The following WSCD1 variants were observed in gnomAD, a reference collection of about 807,000 sequenced individuals.
The protein encoded by WSCD1 is WSC domain sialate O sulfotransferase 1, also known as sialate:O-sulfotransferase 1.
A neutral mutation model predicts 60.4 loss-of-function variants in WSCD1; 41 were observed. The observed-to-expected ratio is 0.68, with a 90% CI of 0.53 to 0.88. The LOEUF (loss-of-function observed/expected upper bound fraction) is 0.88, where lower values mean the gene tolerates loss of function less well. WSCD1 is among the 40% of genes least tolerant of loss of function. The pLI is 0.00. For synonymous variants in WSCD1, 361 were observed against 332.5 expected (o/e 1.09, Z -0.93); for missense variants, 784 against 796.2 (o/e 0.98, Z 0.18).
rs1201739438 is a variant in WSCD1, at chr17:6,108,391, C to T, written c.850-1216C>T. 3.3e-5 allele frequency among the ~76,000 whole-genome samples: 5 copies of T among 152,196 alleles called. No homozygotes were observed. In the East Asian group the frequency reaches 9.6e-4, roughly 29 times the overall value. On this transcript the variant is annotated intron_variant, in intron 5 of 8. Coordinates refer to ENST00000317744, the MANE Select transcript of WSCD1 (RefSeq NM_015253.2). ...GGCACACACACTCACAGATTACTCTCTCATCTCTCTACGCTCCAAAAGTCC... is the reference window on the plus strand; with the variant it reads ...GGCACACACACTCACAGATTACTCTTTCATCTCTCTACGCTCCAAAAGTCC...
intron 1 of WSCD1, among the ~76,000 whole-genome samples, chr17:6,077,763 C>T (rs190988830): frequency 6.6e-6 from 1 of 152,218 alleles, no homozygotes; most frequent in Admixed American, 6.5e-5. Flanking sequence ...TTGTTGAACT[C>T]CTGCCTGCCT....
intron 5 of WSCD1, among the ~76,000 whole-genome samples, chr17:6,107,317 G>A (rs1179478794): frequency 6.6e-6 from 1 of 151,884 alleles, no homozygotes; most frequent in East Asian, 1.9e-4. Flanking sequence ...ACTGGCCAAC[G>A]TGGTGAAACC....
intron 1 of WSCD1, among the ~76,000 whole-genome samples, chr17:6,076,461 C>A (rs565662621): frequency 1.3e-5 from 2 of 152,316 alleles, no homozygotes; most frequent in African/African-American, 4.8e-5. Context: ...CCTCTTGAGT[C>A]TGACTTCACC....
rs941161746 is a variant in WSCD1, at chr17:6,080,426, C to T, written c.-233C>T. Reference sequence around the variant, plus strand: ...AGCCCTGGAATGGAGATGTCCTTGACGCCTGGGCAGAGGCTGCAGCTGCAG... The same window carrying T: ...AGCCCTGGAATGGAGATGTCCTTGATGCCTGGGCAGAGGCTGCAGCTGCAG... On this transcript the variant is annotated 5_prime_UTR_variant, in exon 2 of 9. In the 5' UTR this introduces an upstream ATG that the reference lacks. Coordinates refer to ENST00000317744, the MANE Select transcript of WSCD1 (RefSeq NM_015253.2). This position sits in a 1 kb window ranked among gnomAD's most constrained non-coding sequence, Gnocchi z 6.6. 13 of 555,592 alleles carry T rather than the reference C, an allele frequency of 2.3e-5. No individual in the cohort carries two copies. Among genetic ancestry groups the T allele is most frequent in the Middle Eastern group, 4.8e-4 (1 of 2,100 alleles). 34.4% of individuals were successfully genotyped at this position (555,592 alleles called of 1,614,324 possible).
chr17:6,111,520 G>A (rs914277830), intron 7 of WSCD1, among the ~76,000 whole-genome samples: 1 of 152,052 alleles, frequency 6.6e-6, no homozygotes. Context: ...GACCAATATG[G>A]TGAAACCTCA....
In WSCD1 at chr17:6,124,171, TAGA is replaced by T. The variant is rs1200039298; in HGVS notation, c.*3513_*3515del. The T allele has an allele frequency of 6.6e-6, 1 of 152,174 alleles. No homozygotes were observed. The highest frequency in any genetic ancestry group is 1.5e-5 in the Non-Finnish European group (1 of 68,044). 9.4% of individuals were successfully genotyped at this position (152,174 alleles called of 1,614,324 possible). On this transcript the variant is annotated 3_prime_UTR_variant, in exon 9 of 9. Coordinates refer to ENST00000317744, the MANE Select transcript of WSCD1 (RefSeq NM_015253.2). Reference sequence around the variant, plus strand: ...TTTCAAGACTTATGGGAATGCTGGGTAGAAGCTGTTTTAATTCCCCTGTTGAAT... The same window carrying T: ...TTTCAAGACTTATGGGAATGCTGGGTAGCTGTTTTAATTCCCCTGTTGAAT...
Position 6,101,194 on chromosome 17 carries a change from A to G in WSCD1, c.849+5971A>G, listed in dbSNP as rs1910778748. ...CCGGTGGCAGCTTTATCTCATCCTAATTTGGCCGAAAAACAAGCTCAAATG... is the reference window on the plus strand; with the variant it reads ...CCGGTGGCAGCTTTATCTCATCCTAGTTTGGCCGAAAAACAAGCTCAAATG... On this transcript the variant is annotated intron_variant, in intron 5 of 8. Coordinates refer to ENST00000317744, the MANE Select transcript of WSCD1 (RefSeq NM_015253.2). This position sits in a 1 kb window ranked among gnomAD's most constrained non-coding sequence, Gnocchi z 4.1. Among the ~76,000 whole-genome samples the G allele has an allele frequency of 6.6e-6, 1 of 152,106 alleles. No homozygotes were observed. Among genetic ancestry groups the G allele is most frequent in the South Asian group, 2.1e-4 (1 of 4,816 alleles).
chr17:6,088,326 G>A (rs111523964), intron 3 of WSCD1, among the ~76,000 whole-genome samples: 1,713 of 151,906 alleles, frequency 0.011, 35 homozygotes, highest in African/African-American at 0.039. Context: ...CTGGGTGACC[G>A]CCTGGGTGCT....
intron 7 of WSCD1, among the ~76,000 whole-genome samples, chr17:6,111,461 G>A (rs551592871): frequency 1.3e-5 from 2 of 152,328 alleles, no homozygotes; most frequent in East Asian, 3.9e-4. Flanking sequence ...AACACTTTGG[G>A]AGGCTGAGGT....
At chr17:6,097,676 A>G (rs1054359838) in intron 5 of WSCD1, among the ~76,000 whole-genome samples, 8 of 152,238 alleles carry the variant, frequency 5.3e-5, no homozygotes, top group African/African-American at 1.7e-4. Context: ...TACGTAGATC[A>G]CTTTGTGTGA....
In WSCD1 at chr17:6,120,753, C is replaced by A; in HGVS notation, c.*92C>A. 7.3e-7 allele frequency: 1 copy of A among 1,365,646 alleles called. No individual in the cohort carries two copies. Among genetic ancestry groups the A allele is most frequent in the Non-Finnish European group, 9.9e-7 (1 of 1,009,912 alleles). The allele number at this position is 1,365,646 out of a possible 1,614,324, so 84.6% of individuals were successfully genotyped here. A position where few individuals can be genotyped will look rare whatever the true frequency, so the allele number is the denominator to read the frequency against. On this transcript the variant is annotated 3_prime_UTR_variant, in exon 9 of 9. Coordinates refer to ENST00000317744, the MANE Select transcript of WSCD1 (RefSeq NM_015253.2). ...TCTGATGCTCAGGCCCGTGGCCTCACTGGGACGAACGGTGGGTGGGGGGCT... is the reference window on the plus strand; with the variant it reads ...TCTGATGCTCAGGCCCGTGGCCTCAATGGGACGAACGGTGGGTGGGGGGCT...
chr17:6,100,855 C>A (rs950470009), intron 5 of WSCD1, among the ~76,000 whole-genome samples: 9 of 152,210 alleles, frequency 5.9e-5, no homozygotes, highest in African/African-American at 2.2e-4. Context: ...CAGCCATGCC[C>A]AGTCATGGCC....
chr17:6,120,492 T>C lies in WSCD1; in HGVS notation c.1559T>C (p.Val520Ala). The change falls in exon 9 of 9, where the codon GTG becomes GCG. Residue 520 changes from valine to alanine, a missense_variant. Val to Ala is a moderately conservative substitution (Grantham distance 64). Transcript: ENST00000317744. ...VSVSEERLLC[V>A]ENNKEGSFRR... Reference sequence around the variant, plus strand: ...GTGAGCGAGGAGCGGCTGCTCTGCGTGGAGAACAACAAGGAGGGCAGCTTC... The same window carrying C: ...GTGAGCGAGGAGCGGCTGCTCTGCGCGGAGAACAACAAGGAGGGCAGCTTC... 1 of 1,613,940 alleles carries C rather than the reference T, an allele frequency of 6.2e-7. No individual in the cohort carries two copies. The highest frequency in any genetic ancestry group is 8.5e-7 in the Non-Finnish European group (1 of 1,180,010).
intron 5 of WSCD1, among the ~76,000 whole-genome samples, chr17:6,102,018 TCTA>T (rs1910836506): frequency 6.6e-6 from 1 of 152,240 alleles, no homozygotes; most frequent in South Asian, 2.1e-4. Context: ...TGTTAGTGAT[TCTA>T]CTGATAAAGG....
At chr17:6,120,025 C>T (rs1420804564) in intron 8 of WSCD1, among the ~76,000 whole-genome samples, 1 of 152,194 alleles carries the variant, frequency 6.6e-6, no homozygotes, top group East Asian at 1.9e-4. Context: ...TGCGTATTTG[C>T]CCATCAGGCA....
At chr17:6,109,850 C>T in intron 6 of WSCD1, 84 bp downstream of exon 6, 1 of 1,538,654 alleles carries the variant, frequency 6.5e-7, no homozygotes, top group Non-Finnish European at 8.8e-7. Context: ...CCAGTCATGG[C>T]CAAGCATGCA....
intron 1 of WSCD1, among the ~76,000 whole-genome samples, chr17:6,077,332 C>T (rs559138241): frequency 2.1e-4 from 32 of 151,878 alleles, no homozygotes; most frequent in African/African-American, 7.8e-4. Context: ...TGTGATCCAC[C>T]CGCCTCGGCC....
In WSCD1 at chr17:6,103,310, A is replaced by G. The variant is rs1324727714; in HGVS notation, c.850-6297A>G. ...TCATTGTGATTATTCAGTGTCCCCT[A>G]GTTCTTTCAGTGTGTGGGGGATGTT... On this transcript the variant is annotated intron_variant, in intron 5 of 8. Transcript: ENST00000317744. Among the ~76,000 whole-genome samples the G allele has an allele frequency of 2.6e-5, 4 of 152,296 alleles. No homozygotes were observed. In the East Asian group the frequency reaches 7.7e-4, roughly 29 times the overall value.
In WSCD1 at chr17:6,119,479, G is replaced by T. The variant is rs184197062; in HGVS notation, c.1376-830G>T. ...AAACAAAGCAGTGTCCAGGCAGGGTGGGGTGAGAGAAGTCACAGGACCCAT... is the reference window on the plus strand; with the variant it reads ...AAACAAAGCAGTGTCCAGGCAGGGTTGGGTGAGAGAAGTCACAGGACCCAT... On this transcript the variant is annotated intron_variant, in intron 8 of 8. Transcript: ENST00000317744. Among the ~76,000 whole-genome samples the T allele has an allele frequency of 4.7e-4, 71 of 152,330 alleles. 1 individual carries two copies. Among genetic ancestry groups the T allele is most frequent in the African/African-American group, 1.6e-3 (67 of 41,570 alleles).
Sources: gnomAD v4.1 joint callset for allele counts (sites outside exome capture counted in the v4.1 genomes callset) on GRCh38, gnomAD v4.1.1 for gene constraint, Gnocchi (gnomAD v3.1) non-coding constraint, MANE v1.5 for transcripts, NCBI Gene and HGNC (gene_info 2026-07-23, HGNC 2026-07-21) for gene names.